The following AJAP1 variants were observed in gnomAD, a reference collection of about 807,000 sequenced individuals.
The protein encoded by AJAP1 is adherens junction-associated protein 1.
Under a neutral mutation model 35.0 loss-of-function variants are expected in AJAP1, and 5 were observed. The ratio of observed to expected loss-of-function variants is 0.14; its 90% confidence interval spans 0.07 to 0.30. The LOEUF is 0.30. Among genes scored for constraint, AJAP1 ranks in the 10% least tolerant of loss-of-function variants. The pLI, the probability that AJAP1 is intolerant of heterozygous loss-of-function variation, is 1.00. For synonymous variants in AJAP1, 284 were observed against 249.3 expected, an observed-to-expected ratio of 1.14 and a Z score of -1.31; for missense variants, 586 against 571.0, an observed-to-expected ratio of 1.03 and a Z score of -0.27.
chr1:4,675,365 G>T (rs537717236), intron 1 of AJAP1, among the ~76,000 whole-genome samples: 6 of 152,248 alleles, frequency 3.9e-5, no homozygotes, highest in Admixed American at 3.9e-4. Context: ...AGGGATCCAC[G>T]CATGGAGTTT....
intron 2 of AJAP1, among the ~76,000 whole-genome samples, chr1:4,736,986 C>G (rs12407631): frequency 6.6e-6 from 1 of 152,158 alleles, no homozygotes. Context: ...GCAAGGGCCC[C>G]GCTTAATCCA....
intron 2 of AJAP1, among the ~76,000 whole-genome samples, chr1:4,717,966 A>C (rs533760125): frequency 7.9e-5 from 12 of 152,382 alleles, no homozygotes; most frequent in African/African-American, 2.9e-4. Context: ...ATGACTCATG[A>C]ACTTCAAAAG....
chr1:4,776,275 C>A lies in AJAP1; in HGVS notation c.*59+1717C>A, dbSNP rs187219975. Among the ~76,000 whole-genome samples the A allele has an allele frequency of 1.2e-3, 182 of 151,254 alleles. 1 individual carries two copies. Among genetic ancestry groups the A allele is most frequent in the Non-Finnish European group, 3.4e-4 (23 of 67,760 alleles). On this transcript the variant is annotated intron_variant, in intron 5 of 5. Transcript: ENST00000378191. The stretch of plus-strand genomic sequence containing the variant: ...TAAATGACTTGGCCGAGGTCAGCTC[C>A]CTAGGGGAGAGGGGACAGCTTTCTA...
At chr1:4,679,761 A>G (rs903735084) in intron 1 of AJAP1, among the ~76,000 whole-genome samples, 2 of 151,712 alleles carry the variant, frequency 1.3e-5, no homozygotes, top group African/African-American at 2.4e-5. Context: ...TCTTATAAAG[A>G]CATCAGTTGT....
intron 2 of AJAP1, among the ~76,000 whole-genome samples, chr1:4,756,208 C>T (rs1641428620): frequency 6.6e-6 from 1 of 152,152 alleles, no homozygotes; most frequent in Non-Finnish European, 1.5e-5. Flanking sequence ...GTGTGGTCCC[C>T]TTTTCACATC....
intron 2 of AJAP1, among the ~76,000 whole-genome samples, chr1:4,728,547 C>T (rs1371063139): frequency 1.3e-5 from 2 of 152,206 alleles, no homozygotes; most frequent in African/African-American, 4.8e-5. Flanking sequence ...ACAGCCTGCT[C>T]TTGCTGTCGC....
intron 2 of AJAP1, among the ~76,000 whole-genome samples, chr1:4,739,130 G>A (rs1640998336): frequency 1.3e-5 from 2 of 152,198 alleles, no homozygotes; most frequent in African/African-American, 2.4e-5. Context: ...GAAAACTGGT[G>A]GATGTCCCAC....
chr1:4,670,218 G>C (rs975773046), intron 1 of AJAP1, among the ~76,000 whole-genome samples: 3 of 152,142 alleles, frequency 2.0e-5, no homozygotes, highest in Non-Finnish European at 4.4e-5. Flanking sequence ...ACAGCGCTGG[G>C]CCTGTGGCAG....
At position 4,723,772 on chromosome 1, in the gene AJAP1, G is replaced by T. The variant is rs978305224; in HGVS notation, c.829+11073G>T. The stretch of plus-strand genomic sequence containing the variant: ...ATGGAGGTGGACGAGGATTTTGGTT[G>T]TTCTGTTTCGTTTTGATTTTTTTTT... On this transcript the variant is annotated intron_variant, in intron 2 of 5. Coordinates refer to ENST00000378191, the MANE Select transcript of AJAP1 (RefSeq NM_018836.4). The surrounding 1 kb of genome is among the most constrained non-coding windows in gnomAD (Gnocchi z 4.3). Among the ~76,000 whole-genome samples, 1 of 151,968 alleles carries T rather than the reference G, an allele frequency of 6.6e-6. No homozygotes were observed. Among genetic ancestry groups the T allele is most frequent in the Non-Finnish European group, 1.5e-5 (1 of 68,002 alleles).
intron 1 of AJAP1, among the ~76,000 whole-genome samples, chr1:4,686,742 C>T (rs550994930): frequency 1.2e-4 from 19 of 152,330 alleles, no homozygotes; most frequent in South Asian, 1.0e-3. Flanking sequence ...TTGCTCTTCC[C>T]GGCTGAGGTC....
At chr1:4,764,456 A>G (rs1327775981) in intron 2 of AJAP1, among the ~76,000 whole-genome samples, 2 of 152,176 alleles carry the variant, frequency 1.3e-5, no homozygotes, top group Non-Finnish European at 2.9e-5. Context: ...ACCACTGGGC[A>G]CTGTGAGCTT....
At chr1:4,682,865 GTGATTGTGATGA>G (rs1211813438) in intron 1 of AJAP1, among the ~76,000 whole-genome samples, 45 of 151,908 alleles carry the variant, frequency 3.0e-4, no homozygotes, top group African/African-American at 1.0e-3. Flanking sequence ...GGTGGTGATG[GTGATTGTGATGA>G]TGATGTTGGT....
intron 2 of AJAP1, among the ~76,000 whole-genome samples, chr1:4,768,971 GT>G (rs1641761551): frequency 6.6e-6 from 1 of 152,192 alleles, no homozygotes; most frequent in Admixed American, 6.5e-5. Context: ...GTTGCAGAAG[GT>G]TTTGGGACAG....
At chr1:4,751,645 CGT>C (rs1348718528) in intron 2 of AJAP1, among the ~76,000 whole-genome samples, 3 of 152,240 alleles carry the variant, frequency 2.0e-5, no homozygotes, top group Non-Finnish European at 2.9e-5. Flanking sequence ...GTCTGGGAGT[CGT>C]CTTGTCCACA....
chr1:4,678,422 G>A (rs1473569883), intron 1 of AJAP1, among the ~76,000 whole-genome samples: 1 of 152,176 alleles, frequency 6.6e-6, no homozygotes, highest in South Asian at 2.1e-4. Flanking sequence ...CCAGATGTTG[G>A]CCGGGTCTGT....
At chr1:4,674,282 CCTGA>C (rs1458103694) in intron 1 of AJAP1, among the ~76,000 whole-genome samples, 1 of 152,114 alleles carries the variant, frequency 6.6e-6, no homozygotes, top group African/African-American at 2.4e-5. Context: ...TCTGTGGCTG[CCTGA>C]CTTTGTAAAT....
intron 1 of AJAP1, among the ~76,000 whole-genome samples, chr1:4,659,440 A>T (rs1364177491): frequency 6.6e-6 from 1 of 151,862 alleles, no homozygotes; most frequent in Non-Finnish European, 1.5e-5. Context: ...TTCCTCTGAG[A>T]CCCCTTCCAG....
At chr1:4,680,649 C>T (rs1639461791) in intron 1 of AJAP1, among the ~76,000 whole-genome samples, 3 of 152,218 alleles carry the variant, frequency 2.0e-5, no homozygotes, top group Admixed American at 6.5e-5. Flanking sequence ...TGTAAAGCCA[C>T]CCTTGAGTCT....
chr1:4,687,631 G>A (rs969071757), intron 1 of AJAP1, among the ~76,000 whole-genome samples: 2 of 152,174 alleles, frequency 1.3e-5, no homozygotes, highest in African/African-American at 4.8e-5. Flanking sequence ...ATTGGCACCT[G>A]GATTGTGATG....
Sources: gnomAD v4.1 joint callset for allele counts (sites outside exome capture counted in the v4.1 genomes callset) on GRCh38, gnomAD v4.1.1 for gene constraint, Gnocchi (gnomAD v3.1) non-coding constraint, MANE v1.5 for transcripts, NCBI Gene and HGNC (gene_info 2026-07-23, HGNC 2026-07-21) for gene names.